MTAP: variants seen among roughly 807,000 people sequenced by gnomAD.
The protein encoded by MTAP is methylthioadenosine phosphorylase, also known as S-methyl-5'-thioadenosine phosphorylase.
MTAP carries 33 observed loss-of-function variants against 33.6 expected under a neutral mutation model. The observed-to-expected ratio is 0.98, with a 90% CI of 0.74 to 1.31. The LOEUF is 1.31. Ranked by LOEUF, MTAP falls within the 40% of genes most tolerant of loss-of-function variation. The pLI is 0.00. For synonymous variants in MTAP, 148 were observed against 125.7 expected (o/e 1.18, Z -1.19); for missense variants, 367 against 360.0 (o/e 1.02, Z -0.16).
chr9:21,816,635 C>T, intron 2 of MTAP, 79 bp from the exon 3 acceptor site: 2 of 1,234,522 alleles, frequency 1.6e-6, no homozygotes, highest in East Asian at 2.4e-5. Context: ...TCCATGAGTC[C>T]TGTTGTGGTT....
chr9:21,837,274 G>A (rs1432101412), intron 4 of MTAP, among the ~76,000 whole-genome samples: 1 of 152,144 alleles, frequency 6.6e-6, no homozygotes, highest in Non-Finnish European at 1.5e-5. Context: ...ATTTCAGTGG[G>A]TCACTGGCAT....
At chr9:21,826,732 C>T (rs1193971450) in intron 4 of MTAP, among the ~76,000 whole-genome samples, 3 of 151,880 alleles carry the variant, frequency 2.0e-5, no homozygotes, top group Non-Finnish European at 4.4e-5. Flanking sequence ...TGGACCTTTT[C>T]TGCATTTAGA....
chr9:21,842,222 C>CA (rs1825264798), intron 5 of MTAP, among the ~76,000 whole-genome samples: 6 of 151,494 alleles, frequency 4.0e-5, no homozygotes, highest in African/African-American at 1.2e-4. Flanking sequence ...TGAATCAAGA[C>CA]AAAGAAAAAG....
At chr9:21,899,804 C>G (rs1207123034) in intron 1 of MTAP, among the ~76,000 whole-genome samples, 4 of 152,028 alleles carry the variant, frequency 2.6e-5, no homozygotes, top group Non-Finnish European at 5.9e-5. Flanking sequence ...CAGAGCCAAA[C>G]CATATCAGTA....
At chr9:21,826,514 A>T (rs182520647) in intron 4 of MTAP, among the ~76,000 whole-genome samples, 11 of 151,996 alleles carry the variant, frequency 7.2e-5, no homozygotes, top group Admixed American at 3.3e-4. Flanking sequence ...ATTCTTGGCA[A>T]GGATCCTTCC....
downstream of MTAP, chr9:21,931,224 A>G: frequency 1.4e-6 from 1 of 691,468 alleles, no homozygotes; most frequent in Non-Finnish European, 2.6e-6. Flanking sequence ...CCACAGAACA[A>G]TCACCATCAC....
In MTAP at chr9:21,863,355, C is replaced by T. The variant is rs111408881; in HGVS notation, c.*1341C>T. 12,790 of 958,808 alleles carry T rather than the reference C, an allele frequency of 0.013. 88 individuals are homozygous for T. The highest frequency in any genetic ancestry group is 0.015 in the Non-Finnish European group (12,041 of 805,850). The allele number at this position is 958,808 out of a possible 1,614,324, so 59.4% of individuals were successfully genotyped here. A position where few individuals can be genotyped will look rare whatever the true frequency, so the allele number is the denominator to read the frequency against. The stretch of plus-strand genomic sequence containing the variant: ...GGGCACAGTTGCTCATCCATGTAAT[C>T]CCAGCACTGTGGGAGGCCGAGACGG... On this transcript the variant is annotated 3_prime_UTR_variant, in exon 8 of 8. Transcript: ENST00000644715.
chr9:21,826,797 C>G (rs928926695), intron 4 of MTAP, among the ~76,000 whole-genome samples: 3 of 152,168 alleles, frequency 2.0e-5, no homozygotes, highest in Non-Finnish European at 4.4e-5. Context: ...ATCCCCCACC[C>G]CTGTGGCTTG....
chr9:21,910,410 A>G (rs1262778427), intron 1 of MTAP, among the ~76,000 whole-genome samples: 1 of 152,208 alleles, frequency 6.6e-6, no homozygotes, highest in East Asian at 1.9e-4. Flanking sequence ...CAGAGAAGCA[A>G]GCAACATTAA....
intron 4 of MTAP, among the ~76,000 whole-genome samples, chr9:21,826,727 C>T (rs955355437): frequency 6.6e-6 from 1 of 151,720 alleles, no homozygotes; most frequent in African/African-American, 2.4e-5. Context: ...ATTTTTGGAC[C>T]TTTTCTGCAT....
intron 1 of MTAP, among the ~76,000 whole-genome samples, chr9:21,911,039 A>G (rs1818568091): frequency 6.6e-6 from 1 of 152,230 alleles, no homozygotes; most frequent in South Asian, 2.1e-4. Context: ...AAAGAAGGCC[A>G]TTACATAATG....
chr9:21,845,824 A>T (rs1825367223), intron 5 of MTAP, among the ~76,000 whole-genome samples: 1 of 152,232 alleles, frequency 6.6e-6, no homozygotes, highest in African/African-American at 2.4e-5. Flanking sequence ...ACTAAGCAAA[A>T]AGAACAATCT....
At chr9:21,915,000 T>TTTCTTTCC (rs1818653525) in intron 1 of MTAP, among the ~76,000 whole-genome samples, 12 of 83,764 alleles carry the variant, frequency 1.4e-4, no homozygotes, top group African/African-American at 6.3e-4. Context: ...CTTTGTTTTC[T>TTTCTTTCC]TTCCTTCCTT....
At chr9:21,898,230 T>G (rs1818329998) in intron 1 of MTAP, among the ~76,000 whole-genome samples, 1 of 152,184 alleles carries the variant, frequency 6.6e-6, no homozygotes, top group African/African-American at 2.4e-5. Flanking sequence ...CAAAAATTAA[T>G]TCAAGGTGGA....
chr9:21,880,078 A>C (rs1421894788), intron 1 of MTAP, among the ~76,000 whole-genome samples: 1 of 152,110 alleles, frequency 6.6e-6, no homozygotes, highest in Admixed American at 6.6e-5. Flanking sequence ...TTTGTTGGAA[A>C]CTTAATTTCT....
intron 1 of MTAP, among the ~76,000 whole-genome samples, chr9:21,911,854 A>C (rs969323476): frequency 2.6e-5 from 4 of 152,196 alleles, no homozygotes; most frequent in African/African-American, 9.7e-5. Flanking sequence ...TGGTTTTTTG[A>C]AAAGATCAAC....
At chr9:21,868,763 C>G (rs1825892723), downstream of MTAP, among the ~76,000 whole-genome samples, 2 of 152,162 alleles carry the variant, frequency 1.3e-5, no homozygotes, top group Admixed American at 1.3e-4. Flanking sequence ...CTCTGCTGCT[C>G]TCTCCCAAAC....
chr9:21,850,585 C>A (rs1327424846), intron 5 of MTAP, among the ~76,000 whole-genome samples: 1 of 152,158 alleles, frequency 6.6e-6, no homozygotes, highest in East Asian at 1.9e-4. Flanking sequence ...TTGGCAGGCC[C>A]CCATAGGTGA....
chr9:21,863,657 G>T lies in MTAP; in HGVS notation c.*1643G>T, dbSNP rs79546636. On this transcript the variant is annotated 3_prime_UTR_variant, in exon 8 of 8. Coordinates refer to ENST00000644715, the MANE Select transcript of MTAP (RefSeq NM_002451.4). ...AAAAAGAGTGAAATGCTTTTTGTTT[G>T]CTTCAGTTTTTTATCATGGGGAGAT... 1.4e-3 allele frequency: 1,375 copies of T among 985,260 alleles called. 26 individuals are homozygous for T. In the East Asian group the frequency reaches 0.052, roughly 37 times the overall value. The allele number at this position is 985,260 out of a possible 1,614,324, so 61.0% of individuals were successfully genotyped here.
Sources: allele counts gnomAD v4.1 joint callset (sites outside exome capture counted in the v4.1 genomes callset), GRCh38; gene constraint gnomAD v4.1.1; transcripts MANE v1.5; gene names NCBI Gene and HGNC (gene_info 2026-07-23, HGNC 2026-07-21).